Variants in FARP1 observed in about 807,000 individuals in gnomAD.
FARP1 encodes FERM, ARHGEF and pleckstrin domain-containing protein 1.
In FARP1, 52 loss-of-function variants were observed where a neutral mutation model predicts 128.8. The ratio of observed to expected loss-of-function variants is 0.40; its 90% CI spans 0.32 to 0.51. The LOEUF (loss-of-function observed/expected upper bound fraction) is 0.51, where lower values mean the gene tolerates loss of function less well. FARP1 is among the 20% of genes least tolerant of loss of function. The pLI, the probability that FARP1 is intolerant of heterozygous loss-of-function variation, is 0.45. For synonymous variants in FARP1, 580 were observed against 551.8 expected (o/e 1.05, Z -0.72); for missense variants, 1,333 against 1,367.9 (o/e 0.97, Z 0.40).
At chr13:98,317,995 CA>C in intron 2 of FARP1, among the ~76,000 whole-genome samples, 1 of 148,214 alleles carries the variant, frequency 6.7e-6, no homozygotes, top group Non-Finnish European at 1.5e-5. Flanking sequence ...TCCTCTTCCT[CA>C]TCCTCCTCCT....
In FARP1 at chr13:98,381,956, C is replaced by G. The variant is rs149802687; in HGVS notation, c.497-2774C>G. ...TCTCTGGAGGCCAGGAGTTCAAGAC[C>G]AGCCTAGGCAACATAGTGAGACCTC... is the stretch of plus-strand genomic sequence containing the variant. On this transcript the variant is annotated intron_variant, in intron 6 of 26. Coordinates refer to ENST00000319562, the MANE Select transcript of FARP1 (RefSeq NM_005766.4). 3.5e-4 allele frequency among the ~76,000 whole-genome samples: 53 copies of G among 152,094 alleles called. 1 individual carries two copies. The highest frequency in any genetic ancestry group is 1.0e-3 in the African/African-American group (42 of 41,500).
At chr13:98,350,381 TC>T (rs1243209210) in intron 3 of FARP1, among the ~76,000 whole-genome samples, 7 of 152,166 alleles carry the variant, frequency 4.6e-5, no homozygotes, top group Non-Finnish European at 1.0e-4. Context: ...GTACAGAGGT[TC>T]CTATATACTG....
intron 2 of FARP1, among the ~76,000 whole-genome samples, chr13:98,342,969 A>G (rs1405924455): frequency 6.6e-6 from 1 of 152,052 alleles, no homozygotes; most frequent in Non-Finnish European, 1.5e-5. Flanking sequence ...GGTTGCAGTG[A>G]GCTGAGATCA....
chr13:98,342,256 T>C (rs968497275), intron 2 of FARP1, among the ~76,000 whole-genome samples: 1 of 151,994 alleles, frequency 6.6e-6, no homozygotes, highest in Non-Finnish European at 1.5e-5. Flanking sequence ...GGGTCATGAG[T>C]TGAAAACTTA....
chr13:98,377,212 G>C (rs1432345636), intron 5 of FARP1, among the ~76,000 whole-genome samples: 1 of 151,556 alleles, frequency 6.6e-6, no homozygotes, highest in African/African-American at 2.4e-5. Context: ...TGAGGCAGGA[G>C]AATTGCTTGA....
At chr13:98,366,458 C>G (rs577744631) in intron 4 of FARP1, among the ~76,000 whole-genome samples, 19 of 152,342 alleles carry the variant, frequency 1.2e-4, no homozygotes, top group African/African-American at 4.6e-4. Flanking sequence ...GAGAAGCCCC[C>G]CAGCCTCATG....
chr13:98,386,653 G>A (rs1298994726), intron 8 of FARP1, among the ~76,000 whole-genome samples: 3 of 152,144 alleles, frequency 2.0e-5, no homozygotes, highest in Non-Finnish European at 4.4e-5. Context: ...TGGGTAACCT[G>A]TGCTTTTAGT....
chr13:98,217,719 C>T (rs1035194150), intron 2 of FARP1, among the ~76,000 whole-genome samples: 2 of 152,294 alleles, frequency 1.3e-5, no homozygotes, highest in Middle Eastern at 3.4e-3. Context: ...GCTTCTCATG[C>T]CAGAACACCC....
intron 1 of FARP1, among the ~76,000 whole-genome samples, chr13:98,157,670 T>C (rs1876585876): frequency 6.6e-6 from 1 of 152,098 alleles, no homozygotes. Context: ...GTAATGGAGG[T>C]TCAGAGAGGT....
At chr13:98,369,365 T>C (rs1299070100) in intron 5 of FARP1, among the ~76,000 whole-genome samples, 2 of 151,868 alleles carry the variant, frequency 1.3e-5, no homozygotes, top group African/African-American at 4.8e-5. Context: ...TTTTTTTTTT[T>C]TTTTTTATCA....
At chr13:98,295,857 C>T (rs922988538) in intron 2 of FARP1, among the ~76,000 whole-genome samples, 1 of 152,158 alleles carries the variant, frequency 6.6e-6, no homozygotes, top group African/African-American at 2.4e-5. Flanking sequence ...TCTGAGAGTC[C>T]TTTCTTCCCA....
chr13:98,144,262 A>T (rs1648623449), intron 1 of FARP1, among the ~76,000 whole-genome samples: 1 of 151,740 alleles, frequency 6.6e-6, no homozygotes, highest in Non-Finnish European at 1.5e-5. Context: ...ATTCCCTGTA[A>T]TGAGTCTGGA....
At position 98,265,542 on chromosome 13, in the gene FARP1, A is replaced by G. The variant is rs28507755; in HGVS notation, c.171+52129A>G. On this transcript the variant is annotated intron_variant, in intron 2 of 26. Transcript: ENST00000319562. ...CACCGTTTTAGCCGGGATGGTCTCGATCTCCTGACCTCGTGATCCGCCCGC... is the reference window on the plus strand; with the variant it reads ...CACCGTTTTAGCCGGGATGGTCTCGGTCTCCTGACCTCGTGATCCGCCCGC... Among the ~76,000 whole-genome samples the G allele has an allele frequency of 4.7e-3, 706 of 150,992 alleles. 3 individuals carry two copies. Among genetic ancestry groups the G allele is most frequent in the African/African-American group, 0.016 (664 of 40,948 alleles).
chr13:98,170,172 C>T (rs1013706942), intron 1 of FARP1, among the ~76,000 whole-genome samples: 1 of 152,036 alleles, frequency 6.6e-6, no homozygotes, highest in Non-Finnish European at 1.5e-5. Flanking sequence ...TTCTTCTGCT[C>T]CCTAGAATGT....
chr13:98,315,692 C>T (rs1055050244), intron 2 of FARP1, among the ~76,000 whole-genome samples: 2 of 152,104 alleles, frequency 1.3e-5, no homozygotes, highest in Non-Finnish European at 2.9e-5. Context: ...TCCTTCGCCT[C>T]GTGGTGTCCT....
rs1005195805 is a variant in FARP1 at position 98,279,342 on chromosome 13, AAAT to A, written c.172-64413_172-64411del. On this transcript the variant is annotated intron_variant, in intron 2 of 26. Transcript: ENST00000319562. Reference sequence around the variant, plus strand: ...TTGATTCTCTTCACTGAGAATGTTGAAATAATAATGATTGTGAAGTGAAATTTC... The same window carrying A: ...TTGATTCTCTTCACTGAGAATGTTGAAATAATGATTGTGAAGTGAAATTTC... Among the ~76,000 whole-genome samples, 16 of 142,286 alleles carry A rather than the reference AAAT, an allele frequency of 1.1e-4. No individual in the cohort carries two copies. In the Middle Eastern group the frequency reaches 0.01, roughly 93 times the overall value. The allele number at this position is 142,286 out of a possible 152,430, so 93.3% of individuals were successfully genotyped here. A position where few individuals can be genotyped will look rare whatever the true frequency, so the allele number is the denominator to read the frequency against.
intron 2 of FARP1, among the ~76,000 whole-genome samples, chr13:98,301,513 C>A (rs1342070546): frequency 6.6e-6 from 1 of 152,160 alleles, no homozygotes; most frequent in African/African-American, 2.4e-5. Flanking sequence ...ATTTTCCTGG[C>A]AGTGACTTAG....
intron 13 of FARP1, among the ~76,000 whole-genome samples, chr13:98,407,986 C>T (rs1382537999): frequency 6.6e-6 from 1 of 152,196 alleles, no homozygotes; most frequent in African/African-American, 2.4e-5. Context: ...AACCGCCCTC[C>T]ACCTTTTCCC....
intron 17 of FARP1, among the ~76,000 whole-genome samples, chr13:98,429,959 C>T (rs80281407): frequency 6.6e-6 from 1 of 152,306 alleles, no homozygotes; most frequent in South Asian, 2.1e-4. Context: ...AGATTTCAGG[C>T]CGGGCGTGGT....
Sources: gnomAD v4.1 joint callset for allele counts (sites outside exome capture counted in the v4.1 genomes callset) on GRCh38, gnomAD v4.1.1 for gene constraint, MANE v1.5 for transcripts, NCBI Gene and HGNC (gene_info 2026-07-23, HGNC 2026-07-21) for gene names.